The following NTS variants were observed in gnomAD, a reference collection of about 807,000 sequenced individuals.
NTS encodes neurotensin/neuromedin N.
A neutral mutation model predicts 19.5 loss-of-function variants in NTS; 20 were observed. That is an observed-to-expected ratio of 1.02 (90% CI 0.72 to 1.49). NTS has a LOEUF of 1.49. Ranked by LOEUF, NTS falls within the 40% of genes most tolerant of loss-of-function variation. The pLI is 0.00. For missense variants in NTS, 215 were observed against 193.1 expected (o/e 1.11, Z -0.67); for synonymous variants, 71 against 63.3 (o/e 1.12, Z -0.58).
chr12:85,878,143 CTA>C (rs1881388824), intron 2 of NTS, 200 bp from the exon 3 acceptor site: 2 of 454,846 alleles, frequency 4.4e-6, no homozygotes, highest in South Asian at 8.9e-5. Context: ...GTGAATATAA[CTA>C]TTGCATTTTA....
chr12:85,881,269 C>A (rs1881496340), intron 3 of NTS, among the ~76,000 whole-genome samples: 1 of 152,090 alleles, frequency 6.6e-6, no homozygotes, highest in African/African-American at 2.4e-5. Flanking sequence ...AAATAAAATA[C>A]TTGGTTGTAA....
intron 2 of NTS, 38 bp downstream of exon 2, chr12:85,876,739 A>T (rs749486418): frequency 1.3e-5 from 15 of 1,116,678 alleles, no homozygotes; most frequent in Non-Finnish European, 1.8e-5. Flanking sequence ...GTTGAAGAAC[A>T]TATGAACTTT....
intron 1 of NTS, among the ~76,000 whole-genome samples, chr12:85,874,705 C>T (rs11615953): frequency 0.25 from 37,916 of 151,972 alleles, 5,065 homozygotes; most frequent in African/African-American, 0.31. Flanking sequence ...CAATGAAACA[C>T]TGCACGACCT....
chr12:85,880,713 G>A (rs1357792153), intron 3 of NTS, among the ~76,000 whole-genome samples: 2 of 152,144 alleles, frequency 1.3e-5, no homozygotes, highest in African/African-American at 2.4e-5. Context: ...AGCACTTTGG[G>A]AGGCCGAGAC....
In NTS at chr12:85,879,766, TA is replaced by T. The variant is rs1229296188; in HGVS notation, c.360+1198del. On this transcript the variant is annotated intron_variant, in intron 3 of 3. Transcript: ENST00000256010. ...AAAATATATTTTTTGTATATTTTTG[TA>T]TATAAAATATATTTTTTGTATATTT... Among the ~76,000 whole-genome samples the T allele has an allele frequency of 1.1e-3, 153 of 134,594 alleles. 3 individuals carry two copies. Among genetic ancestry groups the T allele is most frequent in the Non-Finnish European group, 1.7e-3 (103 of 62,390 alleles). 88.3% of individuals were successfully genotyped at this position (134,594 alleles called of 152,430 possible). A position where few individuals can be genotyped will look rare whatever the true frequency, so the allele number is the denominator to read the frequency against.
At chr12:85,881,609 A>G (rs1211101443) in intron 3 of NTS, among the ~76,000 whole-genome samples, 3 of 152,170 alleles carry the variant, frequency 2.0e-5, no homozygotes, top group African/African-American at 4.8e-5. Context: ...ACTAAGCACC[A>G]GCATCTAAAG....
rs1714613771 is a variant in NTS, at chr12:85,878,538, T to C, written c.329T>C (p.Ile110Thr). 6.2e-7 allele frequency: 1 copy of C among 1,612,942 alleles called. No individual in the cohort carries two copies. Among genetic ancestry groups the C allele is most frequent in the Non-Finnish European group, 8.5e-7 (1 of 1,179,344 alleles). The change falls in exon 3 of 4, where the codon ATC becomes ACC. Residue 110 changes from isoleucine to threonine, a missense_variant. Physicochemically the swap from Ile to Thr is moderately conservative, Grantham distance 89. Transcript: ENST00000256010. ...TTGACAATATACCAGCTCCACAAAA[T>C]CTGTCACAGCAGGGCTTTTCAACAC... is the stretch of plus-strand genomic sequence containing the variant. ...AMLTIYQLHK[I>T]CHSRAFQHWE...
In NTS at chr12:85,882,412, A is replaced by T. The variant is rs1295689889; in HGVS notation, c.*37A>T. The T allele has an allele frequency of 1.4e-6, 2 of 1,379,934 alleles. No individual in the cohort carries two copies. The highest frequency in any genetic ancestry group is 9.9e-7 in the Non-Finnish European group (1 of 1,014,738). The allele number at this position is 1,379,934 out of a possible 1,614,324, so 85.5% of individuals were successfully genotyped here. On this transcript the variant is annotated 3_prime_UTR_variant, in exon 4 of 4. Transcript: ENST00000256010. Reference sequence around the variant, plus strand: ...ATTTATTTACATGTGATTGTGATTCATCATCCCTTAATTAAATATCAAATT... The same window carrying T: ...ATTTATTTACATGTGATTGTGATTCTTCATCCCTTAATTAAATATCAAATT...
At chr12:85,876,399 G>T (rs1236585231) in intron 1 of NTS, among the ~76,000 whole-genome samples, 2 of 151,886 alleles carry the variant, frequency 1.3e-5, no homozygotes, top group Non-Finnish European at 2.9e-5. Flanking sequence ...AACTCCCAGT[G>T]ATCAATAGCT....
intron 1 of NTS, among the ~76,000 whole-genome samples, chr12:85,875,757 T>G (rs900037581): frequency 2.6e-5 from 4 of 152,130 alleles, no homozygotes; most frequent in South Asian, 2.1e-4. Context: ...TAAAACAGAT[T>G]ATGTCTCTAA....
In NTS at chr12:85,876,774, C is replaced by A. The variant is rs1259575977; in HGVS notation, c.135+73C>A. 5 of 766,696 alleles carry A rather than the reference C, an allele frequency of 6.5e-6. No homozygotes were observed. In the African/African-American group the frequency reaches 9.0e-5, roughly 14 times the overall value. 47.5% of individuals were successfully genotyped at this position (766,696 alleles called of 1,614,324 possible). A position where few individuals can be genotyped will look rare whatever the true frequency, so the allele number is the denominator to read the frequency against. The stretch of plus-strand genomic sequence containing the variant: ...TCATTATAAACATGGTATCCTTTTC[C>A]CATAGTAATAACTTCTCATCAAGAT... On this transcript the variant is annotated intron_variant, in intron 2 of 3. Transcript: ENST00000256010.
In NTS at chr12:85,882,669, G is replaced by T. The variant is rs1881528678; in HGVS notation, c.*294G>T. 1 of 208,398 alleles carries T rather than the reference G, an allele frequency of 4.8e-6. No homozygotes were observed. Among genetic ancestry groups the T allele is most frequent in the Admixed American group, 5.8e-5 (1 of 17,108 alleles). 12.9% of individuals were successfully genotyped at this position (208,398 alleles called of 1,614,324 possible). ...AGTTGTTTAAACAGTCAAAATGTTT[G>T]ATATTTTATACCAGCTTATGAGCTC... On this transcript the variant is annotated 3_prime_UTR_variant, in exon 4 of 4. Transcript: ENST00000256010.
chr12:85,882,577 T>C lies in NTS; in HGVS notation c.*202T>C, dbSNP rs1231685204. On this transcript the variant is annotated 3_prime_UTR_variant, in exon 4 of 4. Coordinates refer to ENST00000256010, the MANE Select transcript of NTS (RefSeq NM_006183.5). The stretch of plus-strand genomic sequence containing the variant: ...TAAATCTTCAGCATGATGTGTTGTG[T>C]ATAATTGGAGTAGATATTAATTAAG... 12 of 456,632 alleles carry C rather than the reference T, an allele frequency of 2.6e-5. No individual in the cohort carries two copies. The highest frequency in any genetic ancestry group is 4.6e-5 in the Non-Finnish European group (12 of 261,114). The allele number at this position is 456,632 out of a possible 1,614,324, so 28.3% of individuals were successfully genotyped here.
At position 85,878,579 on chromosome 12, in the gene NTS, T is replaced by C; in HGVS notation, c.360+10T>C. 1 of 1,522,458 alleles carries C rather than the reference T, an allele frequency of 6.6e-7. No individual in the cohort carries two copies. The highest frequency in any genetic ancestry group is 9.0e-7 in the Non-Finnish European group (1 of 1,109,686). The allele number at this position is 1,522,458 out of a possible 1,614,324, so 94.3% of individuals were successfully genotyped here. ...TTTTCAACACTGGGAGGTATAGCAA[T>C]AACAAAATATTAATATGATTATAGT... On this transcript the variant is annotated intron_variant, in intron 3 of 3. Coordinates refer to ENST00000256010, the MANE Select transcript of NTS (RefSeq NM_006183.5).
intron 3 of NTS, 58 bp from the exon 4 acceptor site, chr12:85,882,165 C>A: frequency 2.2e-6 from 3 of 1,334,164 alleles, no homozygotes; most frequent in East Asian, 2.4e-5. Context: ...TAGAAAAATG[C>A]TCTGAAACAA....
At chr12:85,877,695 T>C (rs1193134518) in intron 2 of NTS, among the ~76,000 whole-genome samples, 2 of 152,106 alleles carry the variant, frequency 1.3e-5, no homozygotes, top group African/African-American at 4.8e-5. Flanking sequence ...CCTGTGCCCA[T>C]GTGTTCTCAT....
rs1310247242 is a variant in NTS, at chr12:85,879,474, G to A, written c.360+905G>A. On this transcript the variant is annotated intron_variant, in intron 3 of 3. Transcript: ENST00000256010. ...TATGTATATTTTATGTATATTTTAT[G>A]TATATTTTATGTATATTTTATGTAT... 3.4e-4 allele frequency among the ~76,000 whole-genome samples: 17 copies of A among 50,204 alleles called. 3 individuals carry two copies. The highest frequency in any genetic ancestry group is 6.6e-4 in the Non-Finnish European group (16 of 24,296). The allele number at this position is 50,204 out of a possible 152,430, so 32.9% of individuals were successfully genotyped here. A position where few individuals can be genotyped will look rare whatever the true frequency, so the allele number is the denominator to read the frequency against.
intron 3 of NTS, among the ~76,000 whole-genome samples, chr12:85,879,504 A>T (rs1284296141): frequency 9.2e-6 from 1 of 108,440 alleles, no homozygotes; most frequent in Non-Finnish European, 1.8e-5. Context: ...ATGTATATAA[A>T]ATATATTTTT....
chr12:85,881,602 A>G (rs1439305501), intron 3 of NTS, among the ~76,000 whole-genome samples: 1 of 152,136 alleles, frequency 6.6e-6, no homozygotes, highest in Non-Finnish European at 1.5e-5. Context: ...TTTAGTGACT[A>G]AGCACCAGCA....
Sources: allele counts gnomAD v4.1 joint callset (sites outside exome capture counted in the v4.1 genomes callset), GRCh38; gene constraint gnomAD v4.1.1; transcripts MANE v1.5; gene names NCBI Gene and HGNC (gene_info 2026-07-23, HGNC 2026-07-21).